PKD1L1: variants seen among roughly 807,000 people sequenced by gnomAD.
PKD1L1 encodes the protein polycystin-1-like protein 1.
A neutral mutation model predicts 323.4 loss-of-function variants in PKD1L1; 236 were observed. The ratio of observed to expected loss-of-function variants is 0.73; its 90% confidence interval spans 0.66 to 0.81. The LOEUF is 0.81. Ranked by LOEUF, PKD1L1 falls within the 40% of genes least tolerant of loss-of-function variation. The pLI is 0.00. For synonymous variants in PKD1L1, 1,344 were observed against 1,335.0 expected (o/e 1.01, Z -0.15); for missense variants, 3,320 against 3,508.0 (o/e 0.95, Z 1.35).
chr7:47,903,868 T>C (rs895095771), intron 12 of PKD1L1, among the ~76,000 whole-genome samples: 2 of 152,186 alleles, frequency 1.3e-5, no homozygotes, highest in Non-Finnish European at 2.9e-5. Context: ...CGATGCTTTG[T>C]CCCAGGTACA....
In PKD1L1 at chr7:47,876,158, A is replaced by G. The variant is rs1583639367; in HGVS notation, c.3723T>C (p.His1241=). 2 of 1,614,164 alleles carry G rather than the reference A, an allele frequency of 1.2e-6. No homozygotes were observed. The highest frequency in any genetic ancestry group is 4.5e-5 in the East Asian group (2 of 44,882). The part of the protein sequence containing the change: ...IGNTSKHTLY[H]GRDTQYYFVL... Reference sequence around the variant, plus strand: ...CAAAATAATACTGGGTGTCTCTCCCATGGTACAAAGTGTGTTTGGAGGTGT... The same window carrying G: ...CAAAATAATACTGGGTGTCTCTCCCGTGGTACAAAGTGTGTTTGGAGGTGT... The change falls in exon 23 of 57, where the codon CAT becomes CAC. Residue 1241 remains histidine, a synonymous_variant. Coordinates refer to ENST00000289672, the MANE Select transcript of PKD1L1 (RefSeq NM_138295.5).
At chr7:47,850,505 G>T (rs1785756822) in intron 31 of PKD1L1, among the ~76,000 whole-genome samples, 1 of 151,816 alleles carries the variant, frequency 6.6e-6, no homozygotes, top group African/African-American at 2.4e-5. Flanking sequence ...GGTGGTGCAT[G>T]CCTGTAATCT....
intron 15 of PKD1L1, among the ~76,000 whole-genome samples, chr7:47,892,968 C>T (rs1370963953): frequency 3.3e-5 from 5 of 152,140 alleles, no homozygotes; most frequent in African/African-American, 7.2e-5. Context: ...TGATGGCTCA[C>T]GCCTGAAATC....
chr7:47,955,270 A>C, the PKD1L1 span, among the ~76,000 whole-genome samples: 2 of 152,364 alleles, frequency 1.3e-5, no homozygotes, highest in South Asian at 4.1e-4. Context: ...GAAAATAAGG[A>C]TGTGCTGTGA....
At chr7:47,819,502 C>A in intron 46 of PKD1L1, 1 of 1,318,708 alleles carries the variant, frequency 7.6e-7, no homozygotes, top group South Asian at 1.3e-5. Flanking sequence ...TTGTTTTGCA[C>A]ACAGCACCAC....
chr7:47,837,393 C>T (rs1198946402), intron 36 of PKD1L1, among the ~76,000 whole-genome samples: 1 of 152,146 alleles, frequency 6.6e-6, no homozygotes, highest in Non-Finnish European at 1.5e-5. Flanking sequence ...TCTTGGCAGC[C>T]CCCTTGCTAC....
chr7:47,933,643 T>A (rs1050321259), intron 4 of PKD1L1, among the ~76,000 whole-genome samples: 1 of 152,192 alleles, frequency 6.6e-6, no homozygotes, highest in Non-Finnish European at 1.5e-5. Context: ...TCGTGTATGG[T>A]GTACCCATGA....
chr7:47,853,826 A>C (rs1056811276), intron 30 of PKD1L1, among the ~76,000 whole-genome samples: 6 of 152,074 alleles, frequency 3.9e-5, no homozygotes, highest in African/African-American at 1.4e-4. Context: ...AACAAGTACA[A>C]GAATGGCCAG....
At chr7:47,870,501 A>G (rs1477121798) in intron 24 of PKD1L1, among the ~76,000 whole-genome samples, 1 of 152,172 alleles carries the variant, frequency 6.6e-6, no homozygotes, top group African/African-American at 2.4e-5. Context: ...CAAAAAAAAT[A>G]GAGAATGTAG....
intron 31 of PKD1L1, among the ~76,000 whole-genome samples, chr7:47,848,181 C>T (rs2128739897): frequency 6.6e-6 from 1 of 152,228 alleles, no homozygotes; most frequent in East Asian, 1.9e-4. Flanking sequence ...ACCACATAGG[C>T]ATTTACCATC....
chr7:47,937,629 A>G (rs1469211134), intron 3 of PKD1L1, among the ~76,000 whole-genome samples: 1 of 152,196 alleles, frequency 6.6e-6, no homozygotes, highest in Non-Finnish European at 1.5e-5. Flanking sequence ...GGATCCACTC[A>G]GAGGGCTATG....
chr7:47,876,779 C>CT (rs1358720221), intron 22 of PKD1L1, among the ~76,000 whole-genome samples: 14 of 152,010 alleles, frequency 9.2e-5, no homozygotes, highest in South Asian at 4.2e-4. Flanking sequence ...AGGCATTCAT[C>CT]TTTTTTTAAA....
At chr7:47,850,329 T>C (rs1785751411) in intron 31 of PKD1L1, among the ~76,000 whole-genome samples, 2 of 152,074 alleles carry the variant, frequency 1.3e-5, no homozygotes, top group East Asian at 1.9e-4. Flanking sequence ...ATTCAAAACA[T>C]AAATTAATGT....
At chr7:47,836,785 C>T in intron 37 of PKD1L1, 136 bp downstream of exon 37, 1 of 1,114,916 alleles carries the variant, frequency 9.0e-7, no homozygotes, top group Non-Finnish European at 1.3e-6. Context: ...TTCTCTGGTC[C>T]CCAGGCAGCC....
At chr7:47,960,692 TAA>T in the PKD1L1 span, among the ~76,000 whole-genome samples, 29 of 134,416 alleles carry the variant, frequency 2.2e-4, no homozygotes, top group East Asian at 2.1e-3. Flanking sequence ...TTTTTCTAAT[TAA>T]AAAAAAAAAA....
intron 8 of PKD1L1, among the ~76,000 whole-genome samples, chr7:47,914,067 A>G (rs761921884): frequency 2.0e-5 from 3 of 152,202 alleles, no homozygotes; most frequent in Non-Finnish European, 4.4e-5. Flanking sequence ...GAAGATGGGA[A>G]ATATTCTAAT....
At chr7:47,955,451 AAC>A in the PKD1L1 span, among the ~76,000 whole-genome samples, 1 of 152,240 alleles carries the variant, frequency 6.6e-6, no homozygotes, top group Non-Finnish European at 1.5e-5. Context: ...AAATAAAAAA[AAC>A]ACTCATAAAT....
intron 31 of PKD1L1, among the ~76,000 whole-genome samples, chr7:47,851,376 T>A (rs1424582487): frequency 6.6e-6 from 1 of 152,074 alleles, no homozygotes; most frequent in East Asian, 1.9e-4. Context: ...AAAAGTAAAA[T>A]AATGGAGGTG....
At position 47,840,328 on chromosome 7, in the gene PKD1L1, G is replaced by A; in HGVS notation, c.5552+133C>T. On this transcript the variant is annotated intron_variant, in intron 35 of 56. Transcript: ENST00000289672. The surrounding 1 kb of genome is among the most constrained non-coding windows in gnomAD (Gnocchi z 4.1). ...TAAACTAAAAATACATCATAAAATT[G>A]TTTGTATATAAATCGATGCTCACTA... 1 of 602,132 alleles carries A rather than the reference G, an allele frequency of 1.7e-6. No individual in the cohort carries two copies. The highest frequency in any genetic ancestry group is 2.4e-5 in the South Asian group (1 of 42,328). The allele number at this position is 602,132 out of a possible 1,614,324, so 37.3% of individuals were successfully genotyped here.
Sources: gnomAD v4.1 joint callset for allele counts (sites outside exome capture counted in the v4.1 genomes callset) on GRCh38, gnomAD v4.1.1 for gene constraint, Gnocchi (gnomAD v3.1) non-coding constraint, MANE v1.5 for transcripts, NCBI Gene and HGNC (gene_info 2026-07-23, HGNC 2026-07-21) for gene names.